SEMA5B: variants seen among roughly 807,000 people sequenced by gnomAD.
SEMA5B encodes semaphorin-5B.
A neutral mutation model predicts 135.0 loss-of-function variants in SEMA5B; 66 were observed. The ratio of observed to expected loss-of-function variants is 0.49; its 90% confidence interval spans 0.40 to 0.60. The LOEUF (loss-of-function observed/expected upper bound fraction) is 0.60, where lower values mean the gene tolerates loss of function less well. SEMA5B is among the 20% of genes least tolerant of loss of function. The pLI is 0.00. For synonymous variants in SEMA5B, 690 were observed against 639.5 expected (o/e 1.08, Z -1.19); for missense variants, 1,501 against 1,566.3 (o/e 0.96, Z 0.70).
intron 12 of SEMA5B, among the ~76,000 whole-genome samples, chr3:122,920,370 G>A (rs1378409046): frequency 6.6e-6 from 1 of 152,190 alleles, no homozygotes; most frequent in East Asian, 1.9e-4. Context: ...CTGAGACACT[G>A]GGTTTGCCTT....
chr3:123,003,123 AGT>A (rs1243730249), intron 1 of SEMA5B, among the ~76,000 whole-genome samples: 1 of 152,194 alleles, frequency 6.6e-6, no homozygotes, highest in Non-Finnish European at 1.5e-5. Flanking sequence ...ATGTCCAGTA[AGT>A]GCACGGCACT....
At chr3:122,941,428 G>A (rs1939559831) in intron 4 of SEMA5B, among the ~76,000 whole-genome samples, 1 of 152,194 alleles carries the variant, frequency 6.6e-6, no homozygotes, top group Non-Finnish European at 1.5e-5. Context: ...CAGTCACAGG[G>A]TAACATAACC....
At chr3:123,023,167 A>G (rs1942728102) in intron 1 of SEMA5B, among the ~76,000 whole-genome samples, 1 of 152,238 alleles carries the variant, frequency 6.6e-6, no homozygotes. Flanking sequence ...ATGAAATTCC[A>G]TTAGTCCAGG....
At chr3:122,978,207 GC>G (rs1941398628) in intron 1 of SEMA5B, among the ~76,000 whole-genome samples, 1 of 152,258 alleles carries the variant, frequency 6.6e-6, no homozygotes, top group Non-Finnish European at 1.5e-5. Context: ...CCCCACCTGG[GC>G]CCCAGGGTGC....
At chr3:122,923,499 G>A (rs938120577) in intron 10 of SEMA5B, 118 bp downstream of exon 10, 1 of 1,136,164 alleles carries the variant, frequency 8.8e-7, no homozygotes, top group Non-Finnish European at 1.3e-6. Flanking sequence ...GATGGGCATG[G>A]ACTGGCAGGG....
At chr3:123,017,498 G>A (rs1942589774) in intron 1 of SEMA5B, among the ~76,000 whole-genome samples, 1 of 152,156 alleles carries the variant, frequency 6.6e-6, no homozygotes, top group Non-Finnish European at 1.5e-5. Context: ...AAGGGTTGCA[G>A]GTTGTGAGTT....
chr3:122,910,376 T>C, intron 22 of SEMA5B, 75 bp from the exon 23 acceptor site: 1 of 1,501,694 alleles, frequency 6.7e-7, no homozygotes, highest in East Asian at 2.3e-5. Context: ...GAGCAAGGAG[T>C]CCAGAAGCCA....
intron 1 of SEMA5B, among the ~76,000 whole-genome samples, chr3:123,004,484 TG>T (rs1942256380): frequency 6.6e-6 from 1 of 152,230 alleles, no homozygotes; most frequent in Non-Finnish European, 1.5e-5. Flanking sequence ...CATTTATGCT[TG>T]CATTACTCCG....
Position 122,923,764 on chromosome 3 carries a change from G to T in SEMA5B, c.1137-12C>A. On this transcript the variant is annotated splice_polypyrimidine_tract_variant and intron_variant, in intron 9 of 22. Transcript: ENST00000357599. ...CCGCGATGCTGTTTCTGAAAGGCAA[G>T]AAGTGGTGGCACAGGGCCCTCCCTG... The T allele has an allele frequency of 6.2e-7, 1 of 1,613,970 alleles. No individual in the cohort carries two copies. Among genetic ancestry groups the T allele is most frequent in the South Asian group, 1.1e-5 (1 of 91,070 alleles).
At position 122,914,012 on chromosome 3, in the gene SEMA5B, G is replaced by T. The variant is rs766605433; in HGVS notation, c.1989-11C>A. On this transcript the variant is annotated splice_polypyrimidine_tract_variant and intron_variant, in intron 14 of 22. Transcript: ENST00000357599. ...GTCCACGCCCCATTCCTGGCGGGGT[G>T]GGAGGGGACAGAGACAGATGCCCCT... 2 of 1,572,802 alleles carry T rather than the reference G, an allele frequency of 1.3e-6. No individual in the cohort carries two copies. The highest frequency in any genetic ancestry group is 1.7e-6 in the Non-Finnish European group (2 of 1,157,876).
At chr3:123,019,588 C>T (rs189444400) in intron 1 of SEMA5B, among the ~76,000 whole-genome samples, 1 of 152,164 alleles carries the variant, frequency 6.6e-6, no homozygotes, top group East Asian at 1.9e-4. Context: ...GATCCTGTCT[C>T]AAATAAATTA....
upstream of SEMA5B, among the ~76,000 whole-genome samples, chr3:123,027,971 G>C (rs1238669212): frequency 6.6e-6 from 1 of 152,152 alleles, no homozygotes; most frequent in African/African-American, 2.4e-5. Flanking sequence ...CTCCCGCCCC[G>C]GGCCTGCCGA....
rs182816680 is a variant in SEMA5B at position 123,000,901 on chromosome 3, C to A, written c.-39+26563G>T. On this transcript the variant is annotated intron_variant, in intron 1 of 22. Coordinates refer to ENST00000357599, the MANE Select transcript of SEMA5B (RefSeq NM_001031702.4). Reference sequence around the variant, plus strand: ...CGTACGTGGTCGTAGTTGATCTGCTCCAGGTGGAGAACCACCTGAGGCGAG... The same window carrying A: ...CGTACGTGGTCGTAGTTGATCTGCTACAGGTGGAGAACCACCTGAGGCGAG... Among the ~76,000 whole-genome samples, 330 of 152,334 alleles carry A rather than the reference C, an allele frequency of 2.2e-3. 1 individual carries two copies. Among genetic ancestry groups the A allele is most frequent in the African/African-American group, 7.5e-3 (313 of 41,572 alleles).
At chr3:122,965,910 T>C (rs1207446534) in intron 1 of SEMA5B, among the ~76,000 whole-genome samples, 2 of 151,854 alleles carry the variant, frequency 1.3e-5, no homozygotes, top group African/African-American at 2.4e-5. Context: ...TCTGAGGGAG[T>C]CCTCTCAGAG....
At chr3:122,942,562 C>T (rs921453174) in intron 4 of SEMA5B, among the ~76,000 whole-genome samples, 1 of 152,208 alleles carries the variant, frequency 6.6e-6, no homozygotes, top group Non-Finnish European at 1.5e-5. Context: ...AGTCCCCACA[C>T]CCTGTTGTCA....
intron 2 of SEMA5B, among the ~76,000 whole-genome samples, chr3:122,949,873 A>G (rs1345387456): frequency 1.3e-5 from 2 of 152,052 alleles, no homozygotes; most frequent in African/African-American, 2.4e-5. Context: ...GACCTAACCA[A>G]TCAGTACTCT....
chr3:123,028,169 G>A (rs1396408458), upstream of SEMA5B, among the ~76,000 whole-genome samples: 1 of 152,198 alleles, frequency 6.6e-6, no homozygotes, highest in African/African-American at 2.4e-5. Context: ...CAGGGCCTGA[G>A]GAAGCTCCCC....
At chr3:122,981,962 C>A (rs994308878) in intron 1 of SEMA5B, among the ~76,000 whole-genome samples, 1 of 152,196 alleles carries the variant, frequency 6.6e-6, no homozygotes, top group Non-Finnish European at 1.5e-5. Flanking sequence ...TCAGCCCCTG[C>A]AGGCTGTGAG....
intron 1 of SEMA5B, among the ~76,000 whole-genome samples, chr3:122,961,927 A>G (rs1314452291): frequency 6.6e-6 from 1 of 152,168 alleles, no homozygotes; most frequent in Non-Finnish European, 1.5e-5. Context: ...CAGTTTCTAG[A>G]GGCTGCCCAC....
Sources: allele counts gnomAD v4.1 joint callset (sites outside exome capture counted in the v4.1 genomes callset), GRCh38; gene constraint gnomAD v4.1.1; transcripts MANE v1.5; gene names NCBI Gene and HGNC (gene_info 2026-07-23, HGNC 2026-07-21).